The following DUSP4 variants were observed in gnomAD, a reference collection of about 807,000 sequenced individuals.
DUSP4 encodes the protein dual specificity phosphatase 4.
A neutral mutation model predicts 27.2 loss-of-function variants in DUSP4; 12 were observed. The ratio of observed to expected loss-of-function variants is 0.44; its 90% CI spans 0.28 to 0.71. DUSP4 has a LOEUF of 0.71. Ranked by LOEUF, DUSP4 falls within the 30% of genes least tolerant of loss-of-function variation. The pLI is 0.14. For synonymous variants in DUSP4, 257 were observed against 245.2 expected (o/e 1.05, Z -0.45); for missense variants, 448 against 551.3 (o/e 0.81, Z 1.88).
chr8:29,343,140 C>T (rs1817678869), intron 1 of DUSP4, among the ~76,000 whole-genome samples: 1 of 141,688 alleles, frequency 7.1e-6, no homozygotes, highest in South Asian at 2.2e-4. Context: ...TGCATTCCAG[C>T]CTGGGCGTCA....
At chr8:29,340,703 A>G (rs979534419) in intron 1 of DUSP4, among the ~76,000 whole-genome samples, 1 of 152,186 alleles carries the variant, frequency 6.6e-6, no homozygotes, top group Non-Finnish European at 1.5e-5. Flanking sequence ...TGACCCTGGT[A>G]CAAACTCTTC....
At chr8:29,341,034 G>C (rs1817649820) in intron 1 of DUSP4, among the ~76,000 whole-genome samples, 2 of 152,232 alleles carry the variant, frequency 1.3e-5, no homozygotes, top group Admixed American at 1.3e-4. Flanking sequence ...GAGGCCACAG[G>C]GAGGCCATCC....
intron 1 of DUSP4, among the ~76,000 whole-genome samples, chr8:29,340,903 C>T (rs1398694988): frequency 6.6e-6 from 1 of 152,110 alleles, no homozygotes; most frequent in Non-Finnish European, 1.5e-5. Context: ...TCTGTGGGAT[C>T]ATCTTCCAGA....
chr8:29,339,136 T>C (rs1191102614), intron 2 of DUSP4, among the ~76,000 whole-genome samples: 2 of 152,162 alleles, frequency 1.3e-5, no homozygotes, highest in East Asian at 1.9e-4. Flanking sequence ...TGAGCTATGA[T>C]TGCGCCACAG....
At chr8:29,349,780 A>T in intron 1 of DUSP4, 66 bp downstream of exon 1, 1 of 1,418,436 alleles carries the variant, frequency 7.1e-7, no homozygotes, top group Non-Finnish European at 9.2e-7. Flanking sequence ...CGTGCCAATA[A>T]GGCGCAGGCC....
intron 1 of DUSP4, among the ~76,000 whole-genome samples, chr8:29,344,024 A>C (rs965160196): frequency 6.6e-6 from 1 of 152,202 alleles, no homozygotes; most frequent in African/African-American, 2.4e-5. Flanking sequence ...TTGTCTACAA[A>C]GGGGCTGGGC....
At chr8:29,348,023 G>A (rs1587052989) in intron 1 of DUSP4, 1 of 985,556 alleles carries the variant, frequency 1.0e-6, no homozygotes, top group East Asian at 1.1e-4. Flanking sequence ...AGGTCCTGGA[G>A]CTGCCGCTCT....
intron 2 of DUSP4, among the ~76,000 whole-genome samples, chr8:29,339,529 C>T (rs1334881073): frequency 1.3e-5 from 2 of 152,068 alleles, no homozygotes; most frequent in Admixed American, 1.3e-4. Flanking sequence ...CCTCACTTGT[C>T]CGGACACGAC....
At position 29,335,347 on chromosome 8, in the gene DUSP4, G is replaced by C. The variant is rs1817556422; in HGVS notation, c.*1679C>G. ...TGGCGCCTGCGTGCCCATGACGCAC[G>C]TCACGGGAGCCAGCGGCCAGCCCCC... On this transcript the variant is annotated 3_prime_UTR_variant, in exon 4 of 4. Transcript: ENST00000240100. The C allele has an allele frequency of 1.3e-5, 2 of 152,220 alleles. No individual in the cohort carries two copies. The highest frequency in any genetic ancestry group is 4.8e-5 in the African/African-American group (2 of 41,452). 9.4% of individuals were successfully genotyped at this position (152,220 alleles called of 1,614,324 possible).
In DUSP4 at chr8:29,337,105, G is replaced by A. The variant is rs1023257307; in HGVS notation, c.1106C>T (p.Pro369Leu). 4.3e-6 allele frequency: 7 copies of A among 1,610,134 alleles called. No individual in the cohort carries two copies. The highest frequency in any genetic ancestry group is 5.1e-6 in the Non-Finnish European group (6 of 1,178,316). Reference sequence around the variant, plus strand: ...GGCCGAGTGCACGCCCACGGAGACCGGAAAGCTGAAGACGAACTGCGAGGT... The same window carrying A: ...GGCCGAGTGCACGCCCACGGAGACCAGAAAGCTGAAGACGAACTGCGAGGT... ...TPTSQFVFSF[P>L]VSVGVHSAPS... The change falls in exon 4 of 4, where the codon CCG becomes CTG. Residue 369 changes from proline (P) to leucine (L), a missense_variant. Around this residue, in one of 3 missense-constraint regions of DUSP4, gnomAD observed 100 missense variants for 139.8 expected, o/e 0.72. Coordinates refer to ENST00000240100, the MANE Select transcript of DUSP4 (RefSeq NM_001394.7). The surrounding 1 kb of genome is among the most constrained non-coding windows in gnomAD (Gnocchi z 6.4).
At chr8:29,343,123 G>A (rs183886271) in intron 1 of DUSP4, among the ~76,000 whole-genome samples, 66 of 147,364 alleles carry the variant, frequency 4.5e-4, no homozygotes, top group African/African-American at 1.2e-3. Context: ...AGCCGAGATC[G>A]CGCCACTGCA....
rs768298084 is a variant in DUSP4, at chr8:29,336,167, A to C, written c.*859T>G. On this transcript the variant is annotated 3_prime_UTR_variant, in exon 4 of 4. Transcript: ENST00000240100. ...CTCCCACCCAACCCGCCTGCTTCTC[A>C]AGATGAGCCTTGGCAACATAGTGAG... 2.9e-4 allele frequency: 44 copies of C among 149,870 alleles called. No individual in the cohort carries two copies. Among genetic ancestry groups the C allele is most frequent in the Middle Eastern group, 7.1e-3 (2 of 282 alleles). The allele number at this position is 149,870 out of a possible 1,614,324, so 9.3% of individuals were successfully genotyped here.
intron 1 of DUSP4, chr8:29,345,282 G>A (rs1041398379): frequency 2.7e-6 from 4 of 1,504,356 alleles, no homozygotes; most frequent in South Asian, 1.2e-5. Flanking sequence ...TTTGCCTTTG[G>A]GAACTCTACT....
chr8:29,340,739 C>T (rs2341674), intron 1 of DUSP4, among the ~76,000 whole-genome samples: 27,728 of 152,028 alleles, frequency 0.18, 2,678 homozygotes, highest in Admixed American at 0.21. Flanking sequence ...GAACAGATGT[C>T]CATTGCACGT....
intron 1 of DUSP4, among the ~76,000 whole-genome samples, chr8:29,345,207 C>T (rs1231398709): frequency 6.6e-6 from 1 of 152,220 alleles, no homozygotes; most frequent in East Asian, 1.9e-4. Flanking sequence ...AGGCAGGGCT[C>T]ATGGCCTTGC....
intron 1 of DUSP4, among the ~76,000 whole-genome samples, chr8:29,341,857 T>C (rs1022029086): frequency 6.6e-6 from 1 of 152,152 alleles, no homozygotes; most frequent in African/African-American, 2.4e-5. Context: ...TCGGAGAAAG[T>C]GGAAGGGAAA....
intron 2 of DUSP4, among the ~76,000 whole-genome samples, chr8:29,339,139 C>T (rs11786701): frequency 7.2e-5 from 11 of 152,176 alleles, no homozygotes; most frequent in South Asian, 4.2e-4. Flanking sequence ...GCTATGATTG[C>T]GCCACAGGAC....
At position 29,349,960 on chromosome 8, in the gene DUSP4, C is replaced by T; in HGVS notation, c.319G>A (p.Val107Ile). Reference protein sequence around the residue: ...LRSGLYSAVIVYDERSPRAES... With the variant: ...LRSGLYSAVIIYDERSPRAES... ...GCGCGCGGGCTGCGCTCGTCGTAGACGATGACCGCCGAGTAGAGGCCGGAG... is the reference window on the plus strand; with the variant it reads ...GCGCGCGGGCTGCGCTCGTCGTAGATGATGACCGCCGAGTAGAGGCCGGAG... The change falls in exon 1 of 4, where the codon GTC becomes ATC. Residue 107 changes from valine to isoleucine, a missense_variant. Coordinates refer to ENST00000240100, the MANE Select transcript of DUSP4 (RefSeq NM_001394.7). The T allele has an allele frequency of 6.3e-7, 1 of 1,588,208 alleles. No individual in the cohort carries two copies. The highest frequency in any genetic ancestry group is 8.5e-7 in the Non-Finnish European group (1 of 1,171,468).
chr8:29,345,233 C>A, intron 1 of DUSP4: 8 of 1,058,122 alleles, frequency 7.6e-6, no homozygotes, highest in Middle Eastern at 2.2e-4. Context: ...CCAGAAAAGT[C>A]ATGCTCTTGC....
Sources: allele counts gnomAD v4.1 joint callset (sites outside exome capture counted in the v4.1 genomes callset), GRCh38; gene constraint gnomAD v4.1.1; regional missense constraint gnomAD v4.1.1; non-coding constraint Gnocchi (gnomAD v3.1); transcripts MANE v1.5; gene names NCBI Gene and HGNC (gene_info 2026-07-23, HGNC 2026-07-21).